Variants in TMIE observed in about 807,000 individuals in gnomAD.
TMIE encodes the protein transmembrane inner ear expressed protein.
A neutral mutation model predicts 16.8 loss-of-function variants in TMIE; 14 were observed. That is an observed-to-expected ratio of 0.83 (90% CI 0.55 to 1.30). TMIE has a LOEUF of 1.30. Among genes scored for constraint, TMIE ranks in the 50% most tolerant of loss-of-function variants. The pLI is 0.00. For synonymous variants in TMIE, 75 were observed against 87.2 expected (o/e 0.86, Z 0.78); for missense variants, 204 against 205.9 (o/e 0.99, Z 0.06).
chr3:46,709,758 A>G lies in TMIE; in HGVS notation c.*70A>G. 6.2e-7 allele frequency: 1 copy of G among 1,602,654 alleles called. No individual in the cohort carries two copies. The highest frequency in any genetic ancestry group is 8.5e-7 in the Non-Finnish European group (1 of 1,175,268). ...CGTGGCCGGGGTCCAGGCATGTTGG[A>G]CTCTGAGCTCATTTGGGGACCACAG... On this transcript the variant is annotated 3_prime_UTR_variant, in exon 4 of 4. Coordinates refer to ENST00000643606, the MANE Select transcript of TMIE (RefSeq NM_147196.3).
chr3:46,701,035 C>G (rs111764834), upstream of TMIE, among the ~76,000 whole-genome samples: 262 of 151,932 alleles, frequency 1.7e-3, 1 homozygote, highest in African/African-American at 6.0e-3. This position sits in a 1 kb window ranked among gnomAD's most constrained non-coding sequence, Gnocchi z 4.3. Flanking sequence ...CGCTCTGCCC[C>G]CCCCCCAAAC....
chr3:46,709,709 G>A lies in TMIE; in HGVS notation c.*21G>A, dbSNP rs1405824801. 1.9e-6 allele frequency: 3 copies of A among 1,613,772 alleles called. No homozygotes were observed. The highest frequency in any genetic ancestry group is 1.7e-6 in the Non-Finnish European group (2 of 1,179,924). ...AATGAAGACATCCTGGGCAGCTTGG[G>A]CTGGCGGGCCCTGGAGCTCAAGCCG... On this transcript the variant is annotated 3_prime_UTR_variant, in exon 4 of 4. Coordinates refer to ENST00000643606, the MANE Select transcript of TMIE (RefSeq NM_147196.3).
chr3:46,707,020 A>G (rs1191372171), intron 2 of TMIE, among the ~76,000 whole-genome samples: 1 of 152,210 alleles, frequency 6.6e-6, no homozygotes, highest in Non-Finnish European at 1.5e-5. Context: ...CCAAGAGAAA[A>G]TATCTGCCCT....
chr3:46,697,793 G>A (rs1265308006), upstream of TMIE, among the ~76,000 whole-genome samples: 1 of 152,060 alleles, frequency 6.6e-6, no homozygotes, highest in Non-Finnish European at 1.5e-5. Context: ...CGAATTGGAA[G>A]GCACTCAGTT....
At chr3:46,697,532 A>G (rs1241139445), upstream of TMIE, among the ~76,000 whole-genome samples, 1 of 152,192 alleles carries the variant, frequency 6.6e-6, no homozygotes, top group Non-Finnish European at 1.5e-5. Flanking sequence ...GCATCTCTTC[A>G]GCTGTATCCT....
intron 2 of TMIE, among the ~76,000 whole-genome samples, 180 bp from the exon 3 acceptor site, chr3:46,708,946 G>C (rs1009164471): frequency 6.6e-6 from 1 of 152,214 alleles, no homozygotes; most frequent in Non-Finnish European, 1.5e-5. Context: ...CCCTGCTTAG[G>C]AAAGCCACCT....
chr3:46,705,523 C>T (rs1364945488), intron 1 of TMIE, among the ~76,000 whole-genome samples: 1 of 152,216 alleles, frequency 6.6e-6, no homozygotes, highest in South Asian at 2.1e-4. Context: ...CTGGCCAGGA[C>T]AAGCCATCCA....
chr3:46,704,416 G>A (rs757236555), intron 1 of TMIE, among the ~76,000 whole-genome samples: 13 of 146,994 alleles, frequency 8.8e-5, no homozygotes, highest in South Asian at 2.2e-4. Context: ...GACCCAGGGT[G>A]GACCATGTCG....
chr3:46,701,320 G>T (rs1159149492), upstream of TMIE: 2 of 518,012 alleles, frequency 3.9e-6, no homozygotes, highest in Non-Finnish European at 6.6e-6. This position sits in a 1 kb window ranked among gnomAD's most constrained non-coding sequence, Gnocchi z 4.3. Flanking sequence ...CCACCGCAGC[G>T]ATGGCGGGGG....
chr3:46,701,054 A>G (rs892321989), upstream of TMIE, among the ~76,000 whole-genome samples: 3 of 147,522 alleles, frequency 2.0e-5, no homozygotes, highest in Non-Finnish European at 4.5e-5. The surrounding 1 kb of genome is among the most constrained non-coding windows in gnomAD (Gnocchi z 4.3). Context: ...ACTCAAATCC[A>G]GTATATTTTT....
chr3:46,709,109 C>T lies in TMIE; in HGVS notation c.212-17C>T, dbSNP rs772745987. 8.1e-6 allele frequency: 13 copies of T among 1,613,866 alleles called. No homozygotes were observed. The highest frequency in any genetic ancestry group is 2.2e-5 in the South Asian group (2 of 91,088). ...TGAACCCCAGCCCCAGCCAAGCCTG[C>T]TCTGTCCTCCCTACAGTCATCACGC... On this transcript the variant is annotated splice_polypyrimidine_tract_variant and intron_variant, in intron 2 of 3. Transcript: ENST00000643606.
chr3:46,697,500 C>T (rs569907326), upstream of TMIE, among the ~76,000 whole-genome samples: 3 of 152,272 alleles, frequency 2.0e-5, no homozygotes, highest in Admixed American at 2.0e-4. Flanking sequence ...CTCCATACCC[C>T]TTCCTCCATA....
intron 1 of TMIE, among the ~76,000 whole-genome samples, chr3:46,703,983 G>A (rs1291820991): frequency 6.6e-6 from 1 of 152,138 alleles, no homozygotes; most frequent in Non-Finnish European, 1.5e-5. Flanking sequence ...CCCTCTCCCT[G>A]TCCCTCAGCC....
chr3:46,700,988 G>A (rs1375310816), upstream of TMIE, among the ~76,000 whole-genome samples: 1 of 151,938 alleles, frequency 6.6e-6, no homozygotes, highest in African/African-American at 2.4e-5. Flanking sequence ...AGAAAGCCCA[G>A]GACATCCCTG....
At chr3:46,697,450 C>T (rs552490761), upstream of TMIE, among the ~76,000 whole-genome samples, 16 of 152,218 alleles carry the variant, frequency 1.1e-4, no homozygotes, top group Non-Finnish European at 2.2e-4. Context: ...AATAGCTGAA[C>T]GTGTGGAGGC....
In TMIE at chr3:46,701,739, C is replaced by T. The variant is rs1329517998; in HGVS notation, c.93+159C>T. ...GATGCAGCCCTGCCCCAAGCCCTGC[C>T]AGGCTGTGAGAGAGACTCAGCCCCA... is the stretch of plus-strand genomic sequence containing the variant. On this transcript the variant is annotated intron_variant, in intron 1 of 3. Transcript: ENST00000643606. This position sits in a 1 kb window ranked among gnomAD's most constrained non-coding sequence, Gnocchi z 4.3. 1.3e-5 allele frequency among the ~76,000 whole-genome samples: 2 copies of T among 152,172 alleles called. No individual in the cohort carries two copies. The highest frequency in any genetic ancestry group is 2.9e-5 in the Non-Finnish European group (2 of 68,022).
At chr3:46,698,336 A>T (rs1479517093), upstream of TMIE, among the ~76,000 whole-genome samples, 3 of 152,000 alleles carry the variant, frequency 2.0e-5, no homozygotes, top group African/African-American at 7.3e-5. Flanking sequence ...GAGCCACCGC[A>T]CCTGGCCCTT....
chr3:46,706,100 T>C (rs1409795503), intron 2 of TMIE, among the ~76,000 whole-genome samples, 193 bp downstream of exon 2: 1 of 152,230 alleles, frequency 6.6e-6, no homozygotes, highest in African/African-American at 2.4e-5. Flanking sequence ...GGTGGTGACC[T>C]GAAGTATTCT....
intron 2 of TMIE, among the ~76,000 whole-genome samples, chr3:46,707,247 G>A (rs944105785): frequency 4.6e-5 from 7 of 152,268 alleles, no homozygotes; most frequent in African/African-American, 1.7e-4. Flanking sequence ...GGTCTACGGA[G>A]CAGCAGGGAG....
Sources: allele counts gnomAD v4.1 joint callset (sites outside exome capture counted in the v4.1 genomes callset), GRCh38; gene constraint gnomAD v4.1.1; non-coding constraint Gnocchi (gnomAD v3.1); transcripts MANE v1.5; gene names NCBI Gene and HGNC (gene_info 2026-07-23, HGNC 2026-07-21).